CUBN: variants seen among roughly 807,000 people sequenced by gnomAD.
CUBN encodes the protein cubilin, also known as 460 kDa receptor.
A neutral mutation model predicts 405.3 loss-of-function variants in CUBN; 282 were observed. The observed-to-expected ratio is 0.70, with a 90% CI of 0.63 to 0.77. The LOEUF is 0.77. Ranked by LOEUF, CUBN falls within the 30% of genes least tolerant of loss-of-function variation. The pLI, the probability that CUBN is intolerant of heterozygous loss-of-function variation, is 0.00. For synonymous variants in CUBN, 1,684 were observed against 1,617.0 expected, an observed-to-expected ratio of 1.04 and a Z score of -0.99; for missense variants, 4,514 against 4,475.2, an observed-to-expected ratio of 1.01 and a Z score of -0.25.
At chr10:17,018,144 T>C (rs80048146) in intron 28 of CUBN, among the ~76,000 whole-genome samples, 1 of 152,130 alleles carries the variant, frequency 6.6e-6, no homozygotes, top group Non-Finnish European at 1.5e-5. Context: ...CTGACACCCG[T>C]GTCTTTAGTC....
Position 16,913,796 on chromosome 10 carries a change from G to A in CUBN, c.7533+15C>T. The A allele has an allele frequency of 6.2e-7, 1 of 1,612,530 alleles. No individual in the cohort carries two copies. The highest frequency in any genetic ancestry group is 8.5e-7 in the Non-Finnish European group (1 of 1,179,808). On this transcript the variant is annotated intron_variant, in intron 48 of 66. Transcript: ENST00000377833. The stretch of plus-strand genomic sequence containing the variant: ...ATGATGGAATATAACATCTCAGGCG[G>A]CAGGGAACACTTACTATCACATGCT...
chr10:16,889,953 A>AAAAAAAAAAAAAAAAAAAAAAAAAAAAG lies in CUBN; in HGVS notation c.8755+417_8755+418insCTTTTTTTTTTTTTTTTTTTTTTTTTTT, dbSNP rs57009841. Among the ~76,000 whole-genome samples the AAAAAAAAAAAAAAAAAAAAAAAAAAAAG allele has an allele frequency of 5.1e-5, 6 of 118,018 alleles. 1 individual carries two copies. Among genetic ancestry groups the AAAAAAAAAAAAAAAAAAAAAAAAAAAAG allele is most frequent in the African/African-American group, 2.1e-4 (5 of 23,876 alleles). 77.4% of individuals were successfully genotyped at this position (118,018 alleles called of 152,430 possible). ...GCCGTGTCAAAAAAAAAAAAAAAAA[A>AAAAAAAAAAAAAAAAAAAAAAAAAAAAG]CAGGAAAGACTTCGTCATGGAAATT... On this transcript the variant is annotated intron_variant, in intron 55 of 66. Transcript: ENST00000377833.
intron 6 of CUBN, among the ~76,000 whole-genome samples, chr10:17,117,335 T>A (rs1423460683): frequency 6.6e-6 from 1 of 152,160 alleles, no homozygotes; most frequent in East Asian, 1.9e-4. Flanking sequence ...TTGCCACCTG[T>A]CCCAACACCT....
At chr10:16,838,191 A>C (rs1839231626) in intron 62 of CUBN, among the ~76,000 whole-genome samples, 1 of 152,204 alleles carries the variant, frequency 6.6e-6, no homozygotes, top group South Asian at 2.1e-4. Flanking sequence ...CTGCCAGCAC[A>C]TCTCACGCCT....
intron 66 of CUBN, among the ~76,000 whole-genome samples, chr10:16,827,826 TC>T (rs1234679401): frequency 6.6e-6 from 1 of 152,216 alleles, no homozygotes; most frequent in Non-Finnish European, 1.5e-5. Context: ...GTCTCAAACT[TC>T]TGAGCTCAAG....
intron 28 of CUBN, among the ~76,000 whole-genome samples, chr10:16,994,491 G>C (rs1833677058): frequency 6.6e-6 from 1 of 152,066 alleles, no homozygotes; most frequent in African/African-American, 2.4e-5. Context: ...GCCATTACCA[G>C]TCATATTTGC....
rs192775509 is a variant in CUBN, at chr10:16,899,068, G to C, written c.8526C>G (p.His2842Gln). 29 of 1,613,674 alleles carry C rather than the reference G, an allele frequency of 1.8e-5. No homozygotes were observed. The highest frequency in any genetic ancestry group is 3.3e-4 in the Middle Eastern group (2 of 6,062). The change falls in exon 54 of 67, where the codon CAC (histidine) becomes CAG (glutamine). Residue 2842 changes from histidine (H) to glutamine (Q), a missense_variant. His to Gln is a conservative substitution (Grantham distance 24, BLOSUM62 0). Coordinates refer to ENST00000377833, the MANE Select transcript of CUBN (RefSeq NM_001081.4). ...SWTAITHKSKHLEISFDNNFL... is the reference protein window; with the variant it reads ...SWTAITHKSKQLEISFDNNFL... ...AGTTGTTGTCAAAGCTGATCTCCAAGTGTTTACTTTTGTGAGTAATGGCCG... is the reference window on the plus strand; with the variant it reads ...AGTTGTTGTCAAAGCTGATCTCCAACTGTTTACTTTTGTGAGTAATGGCCG...
intron 6 of CUBN, 139 bp downstream of exon 6, chr10:17,122,656 A>G: frequency 1.5e-6 from 1 of 688,022 alleles, no homozygotes; most frequent in Admixed American, 2.3e-5. Flanking sequence ...GTAGACGTTA[A>G]GCAAGAGCTA....
At chr10:16,899,970 G>A (rs1206419402) in intron 53 of CUBN, among the ~76,000 whole-genome samples, 1 of 152,162 alleles carries the variant, frequency 6.6e-6, no homozygotes, top group Admixed American at 6.5e-5. Context: ...ACAAGTCCTT[G>A]TATTTTCTGA....
At chr10:17,085,901 A>C in intron 15 of CUBN, 142 bp from the exon 16 acceptor site, 14 of 739,566 alleles carry the variant, frequency 1.9e-5, no homozygotes, top group East Asian at 2.8e-5. Context: ...AATGTAACTC[A>C]TGGCTGAGGT....
intron 6 of CUBN, among the ~76,000 whole-genome samples, chr10:17,118,276 T>C (rs1185632019): frequency 6.6e-6 from 1 of 152,186 alleles, no homozygotes; most frequent in Non-Finnish European, 1.5e-5. Flanking sequence ...TAATCCCATT[T>C]TACAGACTAA....
chr10:17,103,243 A>T lies in CUBN; in HGVS notation c.1418-6T>A, dbSNP rs1264355552. The T allele has an allele frequency of 1.3e-6, 2 of 1,557,196 alleles. No individual in the cohort carries two copies. Among genetic ancestry groups the T allele is most frequent in the Non-Finnish European group, 1.8e-6 (2 of 1,128,280 alleles). Reference sequence around the variant, plus strand: ...TGAGAGGGACTCTCCACAAACTGCAAAGGAAAAGATGAACTGTGCTTTTCA... The same window carrying T: ...TGAGAGGGACTCTCCACAAACTGCATAGGAAAAGATGAACTGTGCTTTTCA... On this transcript the variant is annotated splice_polypyrimidine_tract_variant and splice_region_variant and intron_variant, in intron 12 of 66. Coordinates refer to ENST00000377833, the MANE Select transcript of CUBN (RefSeq NM_001081.4).
intron 60 of CUBN, among the ~76,000 whole-genome samples, chr10:16,845,180 A>C (rs1047944609): frequency 2.0e-4 from 30 of 152,192 alleles, no homozygotes; most frequent in African/African-American, 7.2e-4. Flanking sequence ...GGGAAAGAAA[A>C]TTTTTGGATT....
intron 6 of CUBN, among the ~76,000 whole-genome samples, chr10:17,117,523 T>C (rs1224645627): frequency 6.6e-6 from 1 of 152,166 alleles, no homozygotes; most frequent in Non-Finnish European, 1.5e-5. Flanking sequence ...TACAGGTGCG[T>C]GCCACCACAC....
At chr10:17,110,784 A>T in intron 9 of CUBN, 135 bp downstream of exon 9, 1 of 1,333,220 alleles carries the variant, frequency 7.5e-7, no homozygotes, top group South Asian at 1.2e-5. Flanking sequence ...CAGCCTCCCA[A>T]AGTGCTGGGA....
chr10:16,988,501 A>T (rs150134389), intron 29 of CUBN, among the ~76,000 whole-genome samples: 56 of 152,298 alleles, frequency 3.7e-4, no homozygotes, highest in Non-Finnish European at 7.3e-4. Flanking sequence ...GTAGAGCTAC[A>T]GTAAATGAAA....
intron 38 of CUBN, among the ~76,000 whole-genome samples, chr10:16,938,027 T>C (rs1182685578): frequency 6.6e-6 from 1 of 152,188 alleles, no homozygotes; most frequent in Non-Finnish European, 1.5e-5. Context: ...AAACATGCAC[T>C]GTGGGAATCA....
At chr10:17,076,073 C>T (rs557937988) in intron 17 of CUBN, among the ~76,000 whole-genome samples, 21 of 152,022 alleles carry the variant, frequency 1.4e-4, no homozygotes, top group Non-Finnish European at 2.5e-4. Context: ...TTTTCTATTT[C>T]GCCCATTAGA....
intron 31 of CUBN, among the ~76,000 whole-genome samples, chr10:16,971,344 C>T (rs888152780): frequency 1.3e-5 from 2 of 152,182 alleles, no homozygotes; most frequent in Non-Finnish European, 2.9e-5. Context: ...GCTTCAACTC[C>T]GGCCTTCATG....
Sources: allele counts gnomAD v4.1 joint callset (sites outside exome capture counted in the v4.1 genomes callset), GRCh38; gene constraint gnomAD v4.1.1; transcripts MANE v1.5; gene names NCBI Gene and HGNC (gene_info 2026-07-23, HGNC 2026-07-21).